ST7: variants seen among roughly 807,000 people sequenced by gnomAD.
ST7 encodes suppression of tumorigenicity 7.
A neutral mutation model predicts 78.7 loss-of-function variants in ST7; 28 were observed. The ratio of observed to expected loss-of-function variants is 0.36; its 90% confidence interval spans 0.26 to 0.49. ST7 has a LOEUF of 0.49. ST7 is among the 20% of genes least tolerant of loss of function. The probability of loss-of-function intolerance (pLI) is 0.99; values close to 1 mark genes in which losing one functional copy is unlikely to be tolerated. For missense variants in ST7, 418 were observed against 696.0 expected (o/e 0.60, Z 4.49); for synonymous variants, 247 against 249.6 (o/e 0.99, Z 0.10).
chr7:117,122,972 A>G (rs1409352717), intron 3 of ST7, among the ~76,000 whole-genome samples: 1 of 152,196 alleles, frequency 6.6e-6, no homozygotes, highest in African/African-American at 2.4e-5. Flanking sequence ...TTATCAGTGT[A>G]TTTTCTTAAA....
intron 2 of ST7, among the ~76,000 whole-genome samples, chr7:117,117,742 A>G (rs576860611): frequency 7.9e-5 from 12 of 152,300 alleles, no homozygotes; most frequent in African/African-American, 2.9e-4. Flanking sequence ...TTAACATAGT[A>G]AATGGCAGCT....
intron 3 of ST7, among the ~76,000 whole-genome samples, chr7:117,123,505 C>G (rs555868245): frequency 8.5e-5 from 13 of 152,278 alleles, no homozygotes; most frequent in Admixed American, 2.0e-4. Flanking sequence ...TTACTTCAAA[C>G]TTCAGATTGT....
intron 1 of ST7, among the ~76,000 whole-genome samples, chr7:117,087,945 A>G (rs1401791087): frequency 6.6e-6 from 1 of 152,174 alleles, no homozygotes; most frequent in Non-Finnish European, 1.5e-5. Flanking sequence ...TGTCTTTGTC[A>G]CATCTCTGGT....
chr7:117,005,260 A>G (rs1446181784), intron 1 of ST7, among the ~76,000 whole-genome samples: 1 of 151,980 alleles, frequency 6.6e-6, no homozygotes, highest in Non-Finnish European at 1.5e-5. Context: ...TTTATGTATC[A>G]CTTCTTGTGA....
chr7:117,008,903 T>G (rs973635829), intron 1 of ST7, among the ~76,000 whole-genome samples: 3 of 152,172 alleles, frequency 2.0e-5, no homozygotes, highest in Admixed American at 6.5e-5. Context: ...TTTAAATCGC[T>G]GAAAAATTTT....
chr7:117,092,321 G>A (rs1202324793), intron 1 of ST7, among the ~76,000 whole-genome samples: 2 of 113,140 alleles, frequency 1.8e-5, no homozygotes, highest in African/African-American at 6.8e-5. Context: ...ATGAATACCA[G>A]CCAAAAAAAA....
At chr7:117,210,666 G>A (rs1169505448) in intron 13 of ST7, among the ~76,000 whole-genome samples, 1 of 152,146 alleles carries the variant, frequency 6.6e-6, no homozygotes, top group Non-Finnish European at 1.5e-5. Flanking sequence ...AACATTATGA[G>A]TCAGATGAGA....
At chr7:117,102,393 A>G (rs79184077) in intron 2 of ST7, among the ~76,000 whole-genome samples, 5,023 of 152,278 alleles carry the variant, frequency 0.033, 124 homozygotes, top group Middle Eastern at 0.11. Context: ...ACCTAGAGCA[A>G]TGAATGGAGA....
chr7:117,184,061 A>G (rs909251202), intron 10 of ST7: 5 of 152,240 alleles, frequency 3.3e-5, no homozygotes, highest in Non-Finnish European at 7.3e-5. Context: ...TTTTAATGAA[A>G]GGCTTTCATG....
chr7:117,005,312 G>A (rs574622218), intron 1 of ST7, among the ~76,000 whole-genome samples: 5 of 151,964 alleles, frequency 3.3e-5, no homozygotes, highest in Non-Finnish European at 7.4e-5. Flanking sequence ...TCACATGTAA[G>A]TTTAAAATCT....
intron 1 of ST7, among the ~76,000 whole-genome samples, chr7:116,998,276 G>A (rs532728583): frequency 6.6e-5 from 10 of 152,320 alleles, no homozygotes; most frequent in Admixed American, 2.6e-4. Context: ...CGGCAGCGCC[G>A]GCTGGCCACT....
intron 1 of ST7, among the ~76,000 whole-genome samples, chr7:117,053,714 G>A (rs1251087199): frequency 6.6e-6 from 1 of 152,170 alleles, no homozygotes; most frequent in Non-Finnish European, 1.5e-5. Flanking sequence ...TCAGATAGAT[G>A]TAGATGCTCT....
chr7:117,179,146 A>C (rs545299723), intron 10 of ST7, among the ~76,000 whole-genome samples: 2 of 152,356 alleles, frequency 1.3e-5, no homozygotes, highest in Non-Finnish European at 2.9e-5. Flanking sequence ...AATGCAGTAC[A>C]CATGTTGAGA....
chr7:117,006,319 C>T (rs1795156262), intron 1 of ST7, among the ~76,000 whole-genome samples: 1 of 152,170 alleles, frequency 6.6e-6, no homozygotes, highest in Non-Finnish European at 1.5e-5. Context: ...TTTCAGAATG[C>T]TATCACCAGT....
intron 2 of ST7, among the ~76,000 whole-genome samples, chr7:117,112,137 A>T (rs1294983035): frequency 6.6e-6 from 1 of 151,900 alleles, no homozygotes; most frequent in Non-Finnish European, 1.5e-5. Flanking sequence ...AGGTATTTTT[A>T]AGAGGCATCC....
At chr7:117,127,690 AAC>A (rs1422184049) in intron 3 of ST7, among the ~76,000 whole-genome samples, 2 of 151,910 alleles carry the variant, frequency 1.3e-5, no homozygotes, top group African/African-American at 4.8e-5. Context: ...CACCAATGTT[AAC>A]ACAGATTTCT....
intron 1 of ST7, among the ~76,000 whole-genome samples, chr7:117,046,329 T>C (rs1053392635): frequency 6.6e-6 from 1 of 152,136 alleles, no homozygotes; most frequent in African/African-American, 2.4e-5. Flanking sequence ...AACTCCAACT[T>C]CTCTATGAAG....
intron 1 of ST7, among the ~76,000 whole-genome samples, chr7:116,961,727 C>T (rs1235170913): frequency 6.7e-6 from 1 of 150,008 alleles, no homozygotes; most frequent in South Asian, 2.1e-4. Flanking sequence ...TGTTTATTAG[C>T]TTAAGGAGCT....
At chr7:117,213,636 G>A (rs1393989939) in intron 13 of ST7, among the ~76,000 whole-genome samples, 2 of 149,296 alleles carry the variant, frequency 1.3e-5, no homozygotes, top group South Asian at 2.1e-4. Context: ...AACATATGGT[G>A]GTTTTAAAAA....
Sources: gnomAD v4.1 joint callset for allele counts (sites outside exome capture counted in the v4.1 genomes callset) on GRCh38, gnomAD v4.1.1 for gene constraint, MANE v1.5 for transcripts, NCBI Gene and HGNC (gene_info 2026-07-23, HGNC 2026-07-21) for gene names.